The following PARN variants were observed in gnomAD, a reference collection of about 807,000 sequenced individuals.
PARN encodes poly(A)-specific ribonuclease PARN.
Under a neutral mutation model 102.8 loss-of-function variants are expected in PARN, and 71 were observed. The observed-to-expected ratio is 0.69, with a 90% CI of 0.57 to 0.84. PARN has a LOEUF of 0.84. Among genes scored for constraint, PARN ranks in the 40% least tolerant of loss-of-function variants. The pLI, the probability that PARN is intolerant of heterozygous loss-of-function variation, is 0.00. For synonymous variants in PARN, 261 were observed against 252.9 expected (o/e 1.03, Z -0.30); for missense variants, 782 against 760.9 (o/e 1.03, Z -0.33).
chr16:14,455,225 G>C lies in PARN; in HGVS notation c.1671-8144C>G, dbSNP rs1198171952. Among the ~76,000 whole-genome samples the C allele has an allele frequency of 2.0e-5, 3 of 152,156 alleles. No homozygotes were observed. In the East Asian group the frequency reaches 5.8e-4, roughly 29 times the overall value. ...GGTCAAGAGTTGGTCAAACTCTTCA[G>C]AGTGGTGTCCAAAGCCAACTGCAGT... On this transcript the variant is annotated intron_variant, in intron 22 of 23. Coordinates refer to ENST00000437198, the MANE Select transcript of PARN (RefSeq NM_002582.4).
At chr16:14,457,643 C>CA (rs1280200503) in intron 22 of PARN, among the ~76,000 whole-genome samples, 1 of 151,052 alleles carries the variant, frequency 6.6e-6, no homozygotes, top group Non-Finnish European at 1.5e-5. Flanking sequence ...ACTAAACATA[C>CA]AAAAAACAGC....
chr16:14,627,303 G>C lies in PARN; in HGVS notation c.211C>G (p.Leu71Val). 6.3e-7 allele frequency: 1 copy of C among 1,594,266 alleles called. No individual in the cohort carries two copies. Among genetic ancestry groups the C allele is most frequent in the Non-Finnish European group, 8.5e-7 (1 of 1,169,794 alleles). Residue 71 changes from leucine (L) to valine (V), a missense_variant, in exon 4 of 24, where the codon CTT (leucine) becomes GTT (valine). Physicochemically the swap from Leu to Val is conservative, Grantham distance 32. Transcript: ENST00000437198. Reference sequence around the variant, plus strand: ...GTGTAGTCATACTTAAAAGTGCAAAGGCCAAACTGAAATAGCAAAAAGTCC... The same window carrying C: ...GTGTAGTCATACTTAAAAGTGCAAACGCCAAACTGAAATAGCAAAAAGTCC... Reference protein sequence around the residue: ...SMDFLLFQFGLCTFKYDYTDS... With the variant: ...SMDFLLFQFGVCTFKYDYTDS...
At chr16:14,455,299 G>A (rs930422362) in intron 22 of PARN, among the ~76,000 whole-genome samples, 1 of 152,124 alleles carries the variant, frequency 6.6e-6, no homozygotes, top group Admixed American at 6.5e-5. Context: ...TCCTTTCCTA[G>A]TGTTGAAAAT....
chr16:14,547,671 C>A (rs997135902), intron 21 of PARN, among the ~76,000 whole-genome samples: 2 of 152,018 alleles, frequency 1.3e-5, no homozygotes, highest in Non-Finnish European at 2.9e-5. Context: ...AATCATGCCA[C>A]CACACTCCAG....
At chr16:14,459,125 C>T (rs1050850905) in intron 22 of PARN, among the ~76,000 whole-genome samples, 3 of 152,168 alleles carry the variant, frequency 2.0e-5, no homozygotes, top group Non-Finnish European at 2.9e-5. Context: ...AAGATGTCAG[C>T]TCTCACAACT....
chr16:14,585,457 C>T (rs557980238), intron 14 of PARN, among the ~76,000 whole-genome samples: 1 of 151,084 alleles, frequency 6.6e-6, no homozygotes, highest in Non-Finnish European at 1.5e-5. Context: ...TCGAACACCA[C>T]GCCTATCCCT....
chr16:14,626,473 T>C (rs1972669393), intron 5 of PARN, among the ~76,000 whole-genome samples: 1 of 152,176 alleles, frequency 6.6e-6, no homozygotes, highest in South Asian at 2.1e-4. Context: ...TCTTGATGTG[T>C]AGGTGGTTCA....
intron 22 of PARN, among the ~76,000 whole-genome samples, chr16:14,453,367 T>C (rs1469044507): frequency 6.6e-6 from 1 of 152,238 alleles, no homozygotes; most frequent in East Asian, 1.9e-4. Flanking sequence ...AGGCCGTATT[T>C]TCAAACCCCT....
chr16:14,559,778 C>T (rs890517970), intron 18 of PARN, among the ~76,000 whole-genome samples: 1 of 152,164 alleles, frequency 6.6e-6, no homozygotes, highest in African/African-American at 2.4e-5. Flanking sequence ...CTCACTCTTT[C>T]CCTATACCTT....
At chr16:14,533,414 GGGGAGACGGAGA>G (rs2151674230) in intron 21 of PARN, among the ~76,000 whole-genome samples, 1 of 125,842 alleles carries the variant, frequency 7.9e-6, no homozygotes, top group Non-Finnish European at 1.7e-5. Flanking sequence ...GGGAGACCGT[GGGGAGACGGAGA>G]GGGAGAGGGA....
At chr16:14,568,648 G>A (rs948143277) in intron 18 of PARN, among the ~76,000 whole-genome samples, 3 of 151,958 alleles carry the variant, frequency 2.0e-5, no homozygotes, top group African/African-American at 4.8e-5. Context: ...GGTGGCCCAC[G>A]TCTGTAATCC....
At chr16:14,502,381 C>T (rs555725776) in intron 21 of PARN, among the ~76,000 whole-genome samples, 2 of 152,282 alleles carry the variant, frequency 1.3e-5, no homozygotes, top group East Asian at 1.9e-4. Context: ...CAGAGGAAGA[C>T]GATGGCTTGC....
chr16:14,549,268 T>C (rs1967150247), intron 21 of PARN, among the ~76,000 whole-genome samples: 1 of 152,206 alleles, frequency 6.6e-6, no homozygotes, highest in Non-Finnish European at 1.5e-5. Flanking sequence ...GTGATCTACT[T>C]AACCTAGGAG....
At chr16:14,505,267 A>T (rs978225070) in intron 21 of PARN, among the ~76,000 whole-genome samples, 1 of 152,216 alleles carries the variant, frequency 6.6e-6, no homozygotes, top group African/African-American at 2.4e-5. Context: ...AAAAGAATAA[A>T]CTGACAGATA....
At chr16:14,455,499 C>A (rs1567289467) in intron 22 of PARN, among the ~76,000 whole-genome samples, 1 of 152,156 alleles carries the variant, frequency 6.6e-6, no homozygotes, top group Non-Finnish European at 1.5e-5. Flanking sequence ...CTGGAAAACA[C>A]CAGTGAACAT....
chr16:14,522,368 C>T (rs1222200011), intron 21 of PARN, among the ~76,000 whole-genome samples: 1 of 152,052 alleles, frequency 6.6e-6, no homozygotes, highest in Non-Finnish European at 1.5e-5. Context: ...GCACAAATCT[C>T]AGGTGTCAGA....
intron 5 of PARN, 122 bp from the exon 6 acceptor site, chr16:14,617,772 G>A (rs897640242): frequency 8.9e-6 from 6 of 676,708 alleles, no homozygotes; most frequent in Admixed American, 2.5e-5. Context: ...ATGTGCCAGA[G>A]GTCACAATAC....
At chr16:14,541,196 A>T (rs952948119) in intron 21 of PARN, among the ~76,000 whole-genome samples, 17 of 151,758 alleles carry the variant, frequency 1.1e-4, no homozygotes, top group African/African-American at 3.6e-4. Context: ...ATAACTTTTT[A>T]AAAAATCAAA....
chr16:14,475,516 T>TA (rs1387795687), intron 22 of PARN, among the ~76,000 whole-genome samples: 1 of 152,210 alleles, frequency 6.6e-6, no homozygotes, highest in Non-Finnish European at 1.5e-5. Context: ...CGGTTAACTA[T>TA]AAAATGCTTG....
Sources: gnomAD v4.1 joint callset for allele counts (sites outside exome capture counted in the v4.1 genomes callset) on GRCh38, gnomAD v4.1.1 for gene constraint, MANE v1.5 for transcripts, NCBI Gene and HGNC (gene_info 2026-07-23, HGNC 2026-07-21) for gene names.